Variants in MAST4 observed in about 807,000 individuals in gnomAD.
MAST4 encodes microtubule associated serine/threonine kinase family member 4, also known as microtubule-associated serine/threonine-protein kinase 4.
A neutral mutation model predicts 162.7 loss-of-function variants in MAST4; 89 were observed. That is an observed-to-expected ratio of 0.55 (90% CI 0.46 to 0.65). The LOEUF (loss-of-function observed/expected upper bound fraction) is 0.65, where lower values mean the gene tolerates loss of function less well. MAST4 is among the 30% of genes least tolerant of loss of function. The probability of loss-of-function intolerance (pLI) is 0.00; values close to 1 mark genes in which losing one functional copy is unlikely to be tolerated. For missense variants in MAST4, 3,153 were observed against 3,374.0 expected, an observed-to-expected ratio of 0.93 and a Z score of 1.62; for synonymous variants, 1,479 against 1,361.1, an observed-to-expected ratio of 1.09 and a Z score of -1.91.
At chr5:66,698,554 G>T (rs1749560670) in intron 1 of MAST4, among the ~76,000 whole-genome samples, 1 of 151,906 alleles carries the variant, frequency 6.6e-6, no homozygotes, top group Non-Finnish European at 1.5e-5. Flanking sequence ...CTGGACATTT[G>T]CTTTAAGTGA....
At chr5:66,907,106 G>A (rs1763402233) in intron 4 of MAST4, among the ~76,000 whole-genome samples, 1 of 148,684 alleles carries the variant, frequency 6.7e-6, no homozygotes, top group Non-Finnish European at 1.5e-5. Flanking sequence ...ATATAGAAGG[G>A]TGGGGAAAAT....
chr5:67,118,852 C>T (rs1700542697), intron 13 of MAST4, 103 bp downstream of exon 13: 1 of 692,764 alleles, frequency 1.4e-6, no homozygotes, highest in African/African-American at 1.8e-5. Flanking sequence ...TATTGTGCTT[C>T]TATGTGAATA....
intron 3 of MAST4, among the ~76,000 whole-genome samples, chr5:66,834,991 A>T (rs1213169344): frequency 6.6e-6 from 1 of 152,132 alleles, no homozygotes; most frequent in African/African-American, 2.4e-5. Context: ...TATCTCCTGG[A>T]TTCCCAGGGG....
At chr5:66,689,725 C>G (rs1748916662) in intron 1 of MAST4, among the ~76,000 whole-genome samples, 6 of 152,162 alleles carry the variant, frequency 3.9e-5, no homozygotes, top group Admixed American at 3.9e-4. Context: ...GACTATGTAA[C>G]TTTAGCTCAG....
At chr5:67,001,640 T>TC (rs1751311943) in intron 4 of MAST4, 1 of 152,170 alleles carries the variant, frequency 6.6e-6, no homozygotes, top group African/African-American at 2.4e-5. Flanking sequence ...CATTGATTTA[T>TC]CCATTTTAGT....
At chr5:67,057,109 T>C (rs1581377514) in intron 5 of MAST4, among the ~76,000 whole-genome samples, 1 of 152,172 alleles carries the variant, frequency 6.6e-6, no homozygotes, top group Non-Finnish European at 1.5e-5. Flanking sequence ...TACTGTCTGG[T>C]AGATTCCTAT....
intron 13 of MAST4, among the ~76,000 whole-genome samples, chr5:67,119,745 G>A (rs1767352088): frequency 6.6e-6 from 1 of 152,092 alleles, no homozygotes; most frequent in Admixed American, 6.6e-5. Flanking sequence ...TGTATATAAG[G>A]TCTGATATCT....
At chr5:66,687,274 A>G (rs921654828) in intron 1 of MAST4, among the ~76,000 whole-genome samples, 1 of 151,954 alleles carries the variant, frequency 6.6e-6, no homozygotes, top group Non-Finnish European at 1.5e-5. Context: ...TGTCATTGCC[A>G]TCTTTGTCTA....
chr5:66,937,121 C>G (rs1008744133), intron 4 of MAST4, among the ~76,000 whole-genome samples: 3 of 152,214 alleles, frequency 2.0e-5, no homozygotes, highest in African/African-American at 7.2e-5. Context: ...TTTTAAAACA[C>G]TTACGGTACT....
intron 1 of MAST4, among the ~76,000 whole-genome samples, chr5:66,682,280 G>T (rs1748381148): frequency 6.6e-6 from 1 of 152,170 alleles, no homozygotes; most frequent in Non-Finnish European, 1.5e-5. Flanking sequence ...AGGCACTGAG[G>T]TTAATATCAT....
intron 1 of MAST4, among the ~76,000 whole-genome samples, chr5:66,652,852 T>C (rs1746315080): frequency 6.6e-6 from 1 of 152,218 alleles, no homozygotes; most frequent in Non-Finnish European, 1.5e-5. Flanking sequence ...ATTTGTTTGC[T>C]CTCTTTGAGG....
intron 1 of MAST4, among the ~76,000 whole-genome samples, chr5:66,728,807 TGG>T (rs1015712675): frequency 3.3e-5 from 5 of 152,108 alleles, no homozygotes; most frequent in Non-Finnish European, 7.4e-5. Context: ...GTCTCCTTAA[TGG>T]AAGTCGTGAT....
chr5:66,710,319 A>G (rs1328499120), intron 1 of MAST4, among the ~76,000 whole-genome samples: 1 of 152,194 alleles, frequency 6.6e-6, no homozygotes, highest in East Asian at 1.9e-4. Context: ...TATAATATAT[A>G]TTATACCATG....
chr5:66,627,096 A>G (rs906150683), intron 1 of MAST4, among the ~76,000 whole-genome samples: 1 of 152,238 alleles, frequency 6.6e-6, no homozygotes, highest in African/African-American at 2.4e-5. Flanking sequence ...ATTGACTCAC[A>G]GTTCAGCAGG....
chr5:66,820,980 A>G lies in MAST4; in HGVS notation c.642+32186A>G, dbSNP rs555622497. On this transcript the variant is annotated intron_variant, in intron 3 of 28. Coordinates refer to ENST00000403625, the MANE Select transcript of MAST4 (RefSeq NM_001164664.2). ...GCATGTTACGTTGTAGAAATCACCAATCGCATACATTTAAGAAGTCTTCAG... is the reference window on the plus strand; with the variant it reads ...GCATGTTACGTTGTAGAAATCACCAGTCGCATACATTTAAGAAGTCTTCAG... Among the ~76,000 whole-genome samples, 104 of 152,358 alleles carry G rather than the reference A, an allele frequency of 6.8e-4. No homozygotes were observed. In the Middle Eastern group the frequency reaches 0.017, roughly 25 times the overall value.
At chr5:66,743,906 T>A (rs1482925467) in intron 1 of MAST4, among the ~76,000 whole-genome samples, 1 of 152,156 alleles carries the variant, frequency 6.6e-6, no homozygotes, top group African/African-American at 2.4e-5. Context: ...GGTTCTACAG[T>A]GGGACACAGC....
At position 67,141,311 on chromosome 5, in the gene MAST4, C is replaced by G. The variant is rs577493366; in HGVS notation, c.2495-804C>G. The stretch of plus-strand genomic sequence containing the variant: ...TCAGGATTGATTCTTTGTTATCTCT[C>G]TCTTCAACAATATGTGTGCTGGTGG... On this transcript the variant is annotated intron_variant, in intron 19 of 28. Transcript: ENST00000403625. 6.6e-5 allele frequency among the ~76,000 whole-genome samples: 10 copies of G among 152,260 alleles called. No homozygotes were observed. The East Asian group carries it at 1.9e-3, about 29-fold the overall frequency.
chr5:66,893,463 A>C (rs1357755530), intron 3 of MAST4, among the ~76,000 whole-genome samples: 1 of 151,886 alleles, frequency 6.6e-6, no homozygotes, highest in Non-Finnish European at 1.5e-5. Flanking sequence ...CCTGACCTCA[A>C]GTGATCCACA....
At chr5:66,851,904 C>G (rs1421329227) in intron 3 of MAST4, among the ~76,000 whole-genome samples, 1 of 152,056 alleles carries the variant, frequency 6.6e-6, no homozygotes, top group Non-Finnish European at 1.5e-5. Flanking sequence ...TTGGAGGTTC[C>G]TTTAGTTTGA....
Sources: gnomAD v4.1 joint callset for allele counts (sites outside exome capture counted in the v4.1 genomes callset) on GRCh38, gnomAD v4.1.1 for gene constraint, MANE v1.5 for transcripts, NCBI Gene and HGNC (gene_info 2026-07-23, HGNC 2026-07-21) for gene names.